GALNT17: variants seen among roughly 807,000 people sequenced by gnomAD.
The protein encoded by GALNT17 is polypeptide N-acetylgalactosaminyltransferase 17.
In GALNT17, 29 loss-of-function variants were observed where a neutral mutation model predicts 63.7. The ratio of observed to expected loss-of-function variants is 0.46; its 90% CI spans 0.34 to 0.62. The LOEUF (loss-of-function observed/expected upper bound fraction) is 0.62, where lower values mean the gene tolerates loss of function less well. Among genes scored for constraint, GALNT17 ranks in the 20% least tolerant of loss-of-function variants. The pLI is 0.01. For missense variants in GALNT17, 603 were observed against 799.6 expected (o/e 0.75, Z 2.97); for synonymous variants, 305 against 318.3 (o/e 0.96, Z 0.45).
At chr7:71,448,567 TC>T (rs1437610630) in intron 5 of GALNT17, among the ~76,000 whole-genome samples, 1 of 152,182 alleles carries the variant, frequency 6.6e-6, no homozygotes, top group African/African-American at 2.4e-5. Context: ...TTTCAAGGGT[TC>T]TTTTTGGTTC....
chr7:71,421,323 A>G (rs2074681), intron 5 of GALNT17, among the ~76,000 whole-genome samples: 118,478 of 152,106 alleles, frequency 0.78, 46,450 homozygotes, highest in African/African-American at 0.85. Flanking sequence ...GCTTTCCAAC[A>G]GCGATACTGA....
chr7:71,625,833 C>G (rs867774197), intron 6 of GALNT17, among the ~76,000 whole-genome samples: 2 of 152,126 alleles, frequency 1.3e-5, no homozygotes, highest in African/African-American at 2.4e-5. Flanking sequence ...TATGTTGAAG[C>G]CTTAATCCCC....
At chr7:71,468,769 C>T (rs376469162) in intron 5 of GALNT17, among the ~76,000 whole-genome samples, 5 of 152,078 alleles carry the variant, frequency 3.3e-5, no homozygotes, top group Non-Finnish European at 5.9e-5. Context: ...TGGTGCTACA[C>T]GGTGCATTTT....
intron 5 of GALNT17, among the ~76,000 whole-genome samples, chr7:71,460,108 G>C (rs1002100008): frequency 4.6e-5 from 7 of 152,182 alleles, no homozygotes; most frequent in African/African-American, 1.7e-4. Flanking sequence ...ACCACCTTGG[G>C]CACATGTTCT....
intron 1 of GALNT17, among the ~76,000 whole-genome samples, chr7:71,267,742 G>T (rs1052935564): frequency 9.2e-5 from 14 of 152,068 alleles, no homozygotes; most frequent in Non-Finnish European, 1.8e-4. Flanking sequence ...GTACAGGTTT[G>T]TTGTACAGGT....
chr7:71,132,732 C>A lies in GALNT17; in HGVS notation c.-71C>A. 1 of 1,353,232 alleles carries A rather than the reference C, an allele frequency of 7.4e-7. No homozygotes were observed. Among genetic ancestry groups the A allele is most frequent in the Non-Finnish European group, 1.0e-6 (1 of 991,796 alleles). The allele number at this position is 1,353,232 out of a possible 1,614,324, so 83.8% of individuals were successfully genotyped here. On this transcript the variant is annotated 5_prime_UTR_variant, in exon 1 of 11. Transcript: ENST00000333538. ...TCTGGTGTGTGAGGCTTGCACGGCC[C>A]CTGGCTGCCCCGCGCCTCGCCGGAG...
rs1413297195 is a variant in GALNT17 at position 71,249,276 on chromosome 7, G to T, written c.239-86274G>T. Among the ~76,000 whole-genome samples the T allele has an allele frequency of 7.2e-5, 11 of 152,022 alleles. 1 individual carries two copies. Among genetic ancestry groups the T allele is most frequent in the South Asian group, 6.2e-4 (3 of 4,830 alleles). On this transcript the variant is annotated intron_variant, in intron 1 of 10. Coordinates refer to ENST00000333538, the MANE Select transcript of GALNT17 (RefSeq NM_022479.3). ...ATGTCTTACCTCTTTTTAGCACTTT[G>T]TCCTTCTTTCAAAGCATATTCATAT...
At chr7:71,567,163 A>G (rs1463892945) in intron 5 of GALNT17, among the ~76,000 whole-genome samples, 1 of 152,088 alleles carries the variant, frequency 6.6e-6, no homozygotes, top group South Asian at 2.1e-4. Flanking sequence ...GGCTCATTTG[A>G]TGCTTTTCCA....
intron 1 of GALNT17, among the ~76,000 whole-genome samples, chr7:71,221,619 A>G (rs948829699): frequency 1.3e-5 from 2 of 152,162 alleles, no homozygotes; most frequent in Non-Finnish European, 2.9e-5. Flanking sequence ...TGGACTGACC[A>G]TAAGGGACTA....
intron 5 of GALNT17, among the ~76,000 whole-genome samples, chr7:71,534,532 GA>G (rs1428632298): frequency 7.0e-5 from 10 of 143,740 alleles, no homozygotes; most frequent in Non-Finnish European, 1.3e-4. Context: ...CCAGGAGGCA[GA>G]ATTTGCAGTG....
At chr7:71,469,530 C>G (rs1787593953) in intron 5 of GALNT17, among the ~76,000 whole-genome samples, 2 of 152,164 alleles carry the variant, frequency 1.3e-5, no homozygotes, top group Admixed American at 6.5e-5. Flanking sequence ...AAATAACACA[C>G]AGAAAATGGA....
chr7:71,154,183 T>C (rs1019006830), intron 1 of GALNT17, among the ~76,000 whole-genome samples: 1 of 151,838 alleles, frequency 6.6e-6, no homozygotes, highest in Non-Finnish European at 1.5e-5. Context: ...CCGGCTTCGC[T>C]GAAGCCCCCA....
At chr7:71,379,303 G>T (rs1373945264) in intron 2 of GALNT17, among the ~76,000 whole-genome samples, 1 of 152,156 alleles carries the variant, frequency 6.6e-6, no homozygotes, top group African/African-American at 2.4e-5. Flanking sequence ...AGGCGATGAG[G>T]TTGGAGAGAT....
At chr7:71,463,761 A>G (rs751486091) in intron 5 of GALNT17, among the ~76,000 whole-genome samples, 3 of 152,188 alleles carry the variant, frequency 2.0e-5, no homozygotes, top group Non-Finnish European at 2.9e-5. Flanking sequence ...GTAAACTGTC[A>G]TGGAGCTGGT....
chr7:71,531,227 G>T (rs766352346), intron 5 of GALNT17, among the ~76,000 whole-genome samples: 24 of 151,872 alleles, frequency 1.6e-4, no homozygotes, highest in Non-Finnish European at 2.9e-4. Context: ...CCTCCATTAT[G>T]CATCAATTAA....
At chr7:71,704,210 A>G (rs1251934764) in intron 9 of GALNT17, among the ~76,000 whole-genome samples, 2 of 152,236 alleles carry the variant, frequency 1.3e-5, no homozygotes, top group African/African-American at 4.8e-5. Context: ...TATTAAACAC[A>G]CTACTTGCAC....
In GALNT17 at chr7:71,605,116, A is replaced by T. The variant is rs80296807; in HGVS notation, c.1080+33714A>T. Among the ~76,000 whole-genome samples, 20 of 152,312 alleles carry T rather than the reference A, an allele frequency of 1.3e-4. No individual in the cohort carries two copies. In the East Asian group the frequency reaches 3.9e-3, roughly 29 times the overall value. ...TACATTGAGAACACTTAATTCAAGGATATCTTGAAAGCTGGACACATTCTT... is the reference window on the plus strand; with the variant it reads ...TACATTGAGAACACTTAATTCAAGGTTATCTTGAAAGCTGGACACATTCTT... On this transcript the variant is annotated intron_variant, in intron 6 of 10. Transcript: ENST00000333538.
chr7:71,394,479 G>A (rs1441804515), intron 3 of GALNT17, among the ~76,000 whole-genome samples: 3 of 152,126 alleles, frequency 2.0e-5, no homozygotes, highest in African/African-American at 7.2e-5. Flanking sequence ...AGGACACACT[G>A]GGCAGTCTGC....
intron 3 of GALNT17, among the ~76,000 whole-genome samples, chr7:71,411,211 C>A (rs1419529236): frequency 6.6e-6 from 1 of 152,054 alleles, no homozygotes; most frequent in African/African-American, 2.4e-5. Flanking sequence ...ACCCCTGCCC[C>A]CTGGGTTCAA....
Sources: allele counts gnomAD v4.1 joint callset (sites outside exome capture counted in the v4.1 genomes callset), GRCh38; gene constraint gnomAD v4.1.1; transcripts MANE v1.5; gene names NCBI Gene and HGNC (gene_info 2026-07-23, HGNC 2026-07-21).